The following NPR1 variants were observed in gnomAD, a reference collection of about 807,000 sequenced individuals.
NPR1 encodes atrial natriuretic peptide receptor 1.
NPR1 carries 57 observed loss-of-function variants against 116.9 expected under a neutral mutation model. The ratio of observed to expected loss-of-function variants is 0.49; its 90% CI spans 0.39 to 0.61. The LOEUF is 0.61. Among genes scored for constraint, NPR1 ranks in the 20% least tolerant of loss-of-function variants. The pLI, the probability that NPR1 is intolerant of heterozygous loss-of-function variation, is 0.00. For missense variants in NPR1, 1,096 were observed against 1,409.8 expected, an observed-to-expected ratio of 0.78 and a Z score of 3.56; for synonymous variants, 555 against 601.6, an observed-to-expected ratio of 0.92 and a Z score of 1.13.
chr1:153,678,967 C>G lies in NPR1; in HGVS notation c.-142C>G. The G allele has an allele frequency of 8.8e-7, 1 of 1,132,298 alleles. No homozygotes were observed. Among genetic ancestry groups the G allele is most frequent in the Non-Finnish European group, 1.2e-6 (1 of 861,884 alleles). 70.1% of individuals were successfully genotyped at this position (1,132,298 alleles called of 1,614,324 possible). ...AGACCGTCGCAGCTACAGGGGGCCTCGAGCCCCGGGGTGAGCGTCCCCGTC... is the reference window on the plus strand; with the variant it reads ...AGACCGTCGCAGCTACAGGGGGCCTGGAGCCCCGGGGTGAGCGTCCCCGTC... On this transcript the variant is annotated 5_prime_UTR_variant, in exon 1 of 22. Transcript: ENST00000368680. The surrounding 1 kb of genome is among the most constrained non-coding windows in gnomAD (Gnocchi z 5.8).
intron 20 of NPR1, among the ~76,000 whole-genome samples, chr1:153,690,725 T>G (rs1670083894): frequency 6.6e-6 from 1 of 151,952 alleles, no homozygotes; most frequent in South Asian, 2.1e-4. Flanking sequence ...GCGGATCACC[T>G]GAGGTCGGGG....
At chr1:153,681,439 G>C in intron 3 of NPR1, 146 bp downstream of exon 3, 1 of 649,812 alleles carries the variant, frequency 1.5e-6, no homozygotes, top group Non-Finnish European at 2.7e-6. Context: ...TGATGGAGGA[G>C]GACACTGGCA....
chr1:153,685,950 G>C, intron 9 of NPR1, 70 bp downstream of exon 9: 3 of 1,485,418 alleles, frequency 2.0e-6, no homozygotes, highest in Admixed American at 3.4e-5. Context: ...GGACTGGTGG[G>C]GGGTTCTGAG....
At position 153,683,440 on chromosome 1, in the gene NPR1, G is replaced by T. The variant is rs1190244173; in HGVS notation, c.1328G>T (p.Trp443Leu). ...GCTGTGTCGGGGCGCAAACTGAACT[G>T]GCCCCTGGGGTACCCTCCTCCTGAC... is the stretch of plus-strand genomic sequence containing the variant. ...LVAVSGRKLN[W>L]PLGYPPPDIP... Residue 443 changes from tryptophan (W) to leucine (L), a missense_variant, in exon 6 of 22, where the codon TGG becomes TTG. By Grantham distance (61) the Trp-to-Leu change is moderately conservative (BLOSUM62 -2). Coordinates refer to ENST00000368680, the MANE Select transcript of NPR1 (RefSeq NM_000906.4). The T allele has an allele frequency of 6.2e-7, 1 of 1,614,178 alleles. No individual in the cohort carries two copies. The highest frequency in any genetic ancestry group is 1.7e-5 in the Admixed American group (1 of 60,016).
intron 10 of NPR1, 30 bp downstream of exon 10, chr1:153,686,230 A>G: frequency 6.2e-7 from 1 of 1,602,676 alleles, no homozygotes. Context: ...AGTGGCATGG[A>G]GAAGGGGCCC....
chr1:153,687,596 G>C (rs771495861), intron 13 of NPR1, 38 bp from the exon 14 acceptor site: 1 of 1,545,680 alleles, frequency 6.5e-7, no homozygotes, highest in African/African-American at 1.4e-5. Flanking sequence ...TTAGCTTTGG[G>C]CTCCCTCACT....
chr1:153,689,752 G>A lies in NPR1; in HGVS notation c.2758-54G>A. 6.8e-7 allele frequency: 1 copy of A among 1,464,626 alleles called. No homozygotes were observed. The highest frequency in any genetic ancestry group is 1.4e-5 in the African/African-American group (1 of 71,302). 90.7% of individuals were successfully genotyped at this position (1,464,626 alleles called of 1,614,324 possible). Reference sequence around the variant, plus strand: ...ACGCTGCACCCGGTGTGACGGTGTGGCCGGCCGCACAGTTGCAGCCGTCAA... The same window carrying A: ...ACGCTGCACCCGGTGTGACGGTGTGACCGGCCGCACAGTTGCAGCCGTCAA... On this transcript the variant is annotated intron_variant, in intron 18 of 21. Transcript: ENST00000368680. The surrounding 1 kb of genome is among the most constrained non-coding windows in gnomAD (Gnocchi z 5.1).
At position 153,689,180 on chromosome 1, in the gene NPR1, C is replaced by A; in HGVS notation, c.2565-8C>A. On this transcript the variant is annotated splice_region_variant and splice_polypyrimidine_tract_variant and intron_variant, in intron 16 of 21. Transcript: ENST00000368680. The surrounding 1 kb of genome is among the most constrained non-coding windows in gnomAD (Gnocchi z 5.1). ...AACTCTGATCCTGCACCTGCCCTGA[C>A]CCCTTAGCTCAGTGGCTGAGCAGCT... 6.2e-7 allele frequency: 1 copy of A among 1,614,214 alleles called. No individual in the cohort carries two copies. Among genetic ancestry groups the A allele is most frequent in the South Asian group, 1.1e-5 (1 of 91,090 alleles).
chr1:153,691,476 G>C (rs765884378), intron 20 of NPR1, among the ~76,000 whole-genome samples: 1 of 152,188 alleles, frequency 6.6e-6, no homozygotes, highest in Admixed American at 6.5e-5. Flanking sequence ...TGAAAGAAAG[G>C]CTGCTTGGGA....
intron 10 of NPR1, 106 bp downstream of exon 10, chr1:153,686,306 A>T: frequency 3.7e-6 from 4 of 1,094,582 alleles, no homozygotes; most frequent in Non-Finnish European, 5.5e-6. Context: ...ACCCCAAGAA[A>T]GGGGCAGGGA....
intron 7 of NPR1, 80 bp downstream of exon 7, chr1:153,683,904 G>A (rs1013141418): frequency 1.2e-5 from 15 of 1,287,906 alleles, no homozygotes; most frequent in Non-Finnish European, 1.7e-5. Context: ...GGACCCAGAG[G>A]GAAGAGGGCA....
Position 153,684,578 on chromosome 1 carries a change from G to C in NPR1, c.1485-386G>C, listed in dbSNP as rs182409543. On this transcript the variant is annotated intron_variant, in intron 7 of 21. Coordinates refer to ENST00000368680, the MANE Select transcript of NPR1 (RefSeq NM_000906.4). ...AGCTAATTTTTGTATTTTTAGTAGA[G>C]ACAGGGTTTCACCATGTTGGCCAGG... is the stretch of plus-strand genomic sequence containing the variant. Among the ~76,000 whole-genome samples, 52 of 151,934 alleles carry C rather than the reference G, an allele frequency of 3.4e-4. 1 individual carries two copies. The East Asian group carries it at 4.5e-3, about 13-fold the overall frequency.
At chr1:153,690,716 C>T (rs1017820274) in intron 20 of NPR1, among the ~76,000 whole-genome samples, 3 of 151,812 alleles carry the variant, frequency 2.0e-5, no homozygotes, top group Non-Finnish European at 4.4e-5. Flanking sequence ...CTGAGGCAGG[C>T]GGATCACCTG....
chr1:153,682,231 A>T (rs1669801685), intron 4 of NPR1, among the ~76,000 whole-genome samples: 1 of 150,708 alleles, frequency 6.6e-6, no homozygotes, highest in East Asian at 2.0e-4. Flanking sequence ...AATTTTTTGT[A>T]TTTTTTTTAG....
intron 7 of NPR1, 94 bp from the exon 8 acceptor site, chr1:153,684,870 G>C: frequency 6.7e-7 from 1 of 1,497,452 alleles, no homozygotes; most frequent in Admixed American, 1.8e-5. Context: ...CTGAGTGCAT[G>C]GTGTGGTCCC....
Position 153,683,444 on chromosome 1 carries a change from C to A in NPR1, c.1332C>A (p.Pro444=). Residue 444 remains proline, a synonymous_variant, in exon 6 of 22, where the codon CCC becomes CCA. Coordinates refer to ENST00000368680, the MANE Select transcript of NPR1 (RefSeq NM_000906.4). ...TGTCGGGGCGCAAACTGAACTGGCC[C>A]CTGGGGTACCCTCCTCCTGACATCC... ...VAVSGRKLNW[P]LGYPPPDIPK... 6.2e-7 allele frequency: 1 copy of A among 1,614,156 alleles called. No homozygotes were observed. Among genetic ancestry groups the A allele is most frequent in the Non-Finnish European group, 8.5e-7 (1 of 1,180,018 alleles).
intron 8 of NPR1, among the ~76,000 whole-genome samples, chr1:153,685,579 A>T (rs1669903977): frequency 6.6e-6 from 1 of 152,126 alleles, no homozygotes; most frequent in Admixed American, 6.6e-5. Context: ...TGAAAGGATC[A>T]TCTGAGCCCA....
Position 153,687,832 on chromosome 1 carries a change from C to T in NPR1, c.2248+43C>T, listed in dbSNP as rs760432211. ...TCCTTAAACCCAGCCACAGTCTCAA[C>T]GAACCCCAGCCCCAGGGAGAGGGTC... On this transcript the variant is annotated intron_variant, in intron 14 of 21. Transcript: ENST00000368680. 38 of 1,538,434 alleles carry T rather than the reference C, an allele frequency of 2.5e-5. 1 individual carries two copies. Among genetic ancestry groups the T allele is most frequent in the South Asian group, 7.5e-5 (6 of 80,272 alleles).
At chr1:153,681,966 C>CT (rs907128802) in intron 4 of NPR1, 127 bp downstream of exon 4, 4 of 1,144,336 alleles carry the variant, frequency 3.5e-6, no homozygotes, top group East Asian at 2.6e-5. Context: ...TCCTCCACAG[C>CT]TTTTTTCAGG....
Sources: gnomAD v4.1 joint callset for allele counts (sites outside exome capture counted in the v4.1 genomes callset) on GRCh38, gnomAD v4.1.1 for gene constraint, Gnocchi (gnomAD v3.1) non-coding constraint, MANE v1.5 for transcripts, NCBI Gene and HGNC (gene_info 2026-07-23, HGNC 2026-07-21) for gene names.